The following KCNT1 variants were observed in gnomAD, a reference collection of about 807,000 sequenced individuals.
KCNT1 encodes potassium channel subfamily T member 1.
In KCNT1, 78 loss-of-function variants were observed where a neutral mutation model predicts 147.8. That is an observed-to-expected ratio of 0.53 (90% CI 0.44 to 0.64). KCNT1 has a LOEUF of 0.64. Ranked by LOEUF, KCNT1 falls within the 30% of genes least tolerant of loss-of-function variation. The pLI, the probability that KCNT1 is intolerant of heterozygous loss-of-function variation, is 0.00. For missense variants in KCNT1, 1,419 were observed against 1,750.3 expected (o/e 0.81, Z 3.38); for synonymous variants, 867 against 748.8 (o/e 1.16, Z -2.58).
At chr9:135,785,960 G>A (rs936423885) in intron 28 of KCNT1, 4 of 568,004 alleles carry the variant, frequency 7.0e-6, no homozygotes, top group Non-Finnish European at 1.2e-5. Context: ...CCAGGCCCGG[G>A]CAGGGTGGGT....
intron 15 of KCNT1, among the ~76,000 whole-genome samples, chr9:135,769,455 C>T (rs906948540): frequency 7.2e-5 from 11 of 152,270 alleles, no homozygotes; most frequent in Middle Eastern, 3.4e-3. Context: ...CCATCCTCAC[C>T]GCATCCGAGA....
At chr9:135,745,321 G>C (rs1490530689) in intron 2 of KCNT1, among the ~76,000 whole-genome samples, 1 of 152,118 alleles carries the variant, frequency 6.6e-6, no homozygotes, top group Non-Finnish European at 1.5e-5. Context: ...GTTCCACCGA[G>C]CCCACGCCCA....
intron 2 of KCNT1, among the ~76,000 whole-genome samples, chr9:135,734,672 A>C (rs35924309): frequency 0.13 from 19,416 of 152,210 alleles, 1,418 homozygotes; most frequent in South Asian, 0.17. Context: ...GAACGGAAAA[A>C]GTCACAGCAC....
intron 1 of KCNT1, among the ~76,000 whole-genome samples, chr9:135,709,121 G>A (rs1240377099): frequency 6.6e-6 from 1 of 152,238 alleles, no homozygotes; most frequent in Non-Finnish European, 1.5e-5. Flanking sequence ...GGCTGCCAGT[G>A]TGTGGGGACA....
chr9:135,792,483 G>C lies in KCNT1; in HGVS notation c.*322G>C. 3.8e-6 allele frequency: 1 copy of C among 262,854 alleles called. No homozygotes were observed. The highest frequency in any genetic ancestry group is 1.1e-4 in the East Asian group (1 of 8,790). The allele number at this position is 262,854 out of a possible 1,614,324, so 16.3% of individuals were successfully genotyped here. A position where few individuals can be genotyped will look rare whatever the true frequency, so the allele number is the denominator to read the frequency against. On this transcript the variant is annotated 3_prime_UTR_variant, in exon 31 of 31. Coordinates refer to ENST00000371757, the MANE Select transcript of KCNT1 (RefSeq NM_020822.3). ...ACGCAGGGACTGGACGCCCTACAGG[G>C]CCGAGCCCAGGCTGTGCTGGAGGGT...
chr9:135,762,742 G>A (rs1440290932), intron 11 of KCNT1, among the ~76,000 whole-genome samples: 2 of 152,160 alleles, frequency 1.3e-5, no homozygotes, highest in Non-Finnish European at 2.9e-5. Context: ...AGAGCGAGAT[G>A]CCATCTCAAC....
rs748894800 is a variant in KCNT1, at chr9:135,795,102, T to C, written c.*2941T>C. ...ACCTGCTATTTTCCTTATTCCTGTT[T>C]TTTGTTTGTTTTTATTTTCCTTATA... On this transcript the variant is annotated 3_prime_UTR_variant, in exon 31 of 31. Coordinates refer to ENST00000371757, the MANE Select transcript of KCNT1 (RefSeq NM_020822.3). 5.9e-5 allele frequency: 9 copies of C among 152,172 alleles called. No homozygotes were observed. The highest frequency in any genetic ancestry group is 1.3e-4 in the Non-Finnish European group (9 of 68,034). The allele number at this position is 152,172 out of a possible 1,614,324, so 9.4% of individuals were successfully genotyped here. A position where few individuals can be genotyped will look rare whatever the true frequency, so the allele number is the denominator to read the frequency against.
intron 2 of KCNT1, among the ~76,000 whole-genome samples, chr9:135,739,736 C>T (rs1376016372): frequency 4.6e-5 from 7 of 152,158 alleles, no homozygotes; most frequent in South Asian, 2.1e-4. Context: ...TGCCCCGCTC[C>T]GGGCTGCACA....
At position 135,784,156 on chromosome 9, in the gene KCNT1, C is replaced by T. The variant is rs548593621; in HGVS notation, c.2943+31C>T. ...CGGGGAAGCGGCAGCAGGAGGGTGG[C>T]GCCTGGGTGGGACCCCCGTCATGCC... On this transcript the variant is annotated intron_variant, in intron 25 of 30. Transcript: ENST00000371757. 2.8e-5 allele frequency: 44 copies of T among 1,554,570 alleles called. No homozygotes were observed. The East Asian group carries it at 5.8e-4, about 21-fold the overall frequency.
rs142596339 is a variant in KCNT1 at position 135,784,047 on chromosome 9, C to T, written c.2865C>T (p.Asn955=). 3 of 1,606,282 alleles carry T rather than the reference C, an allele frequency of 1.9e-6. No homozygotes were observed. In the African/African-American group the frequency reaches 4.0e-5, roughly 21 times the overall value. Residue 955 remains asparagine, a synonymous_variant, in exon 25 of 31, where the codon AAC becomes AAT. Transcript: ENST00000371757. ...LEKRERENGS[N]LAFMFRLPFA... is the part of the protein sequence containing the mutation. ...AGAGGGAGCGAGAGAATGGCTCCAACCTGGCCTTCATGTTCCGCCTGCCGT... is the reference window on the plus strand; with the variant it reads ...AGAGGGAGCGAGAGAATGGCTCCAATCTGGCCTTCATGTTCCGCCTGCCGT...
chr9:135,702,377 T>G lies in KCNT1; in HGVS notation c.110+9T>G. The G allele has an allele frequency of 6.2e-7, 1 of 1,604,294 alleles. No individual in the cohort carries two copies. Among genetic ancestry groups the G allele is most frequent in the Non-Finnish European group, 8.5e-7 (1 of 1,173,470 alleles). ...GGCCAATGCGCCCCCAGGTACAGTC[T>G]GCTGCGCCCTCCCCACGCGGGGAGG... On this transcript the variant is annotated intron_variant, in intron 1 of 30. Coordinates refer to ENST00000371757, the MANE Select transcript of KCNT1 (RefSeq NM_020822.3).
chr9:135,785,219 C>G, intron 27 of KCNT1, 91 bp from the exon 28 acceptor site: 1 of 1,568,618 alleles, frequency 6.4e-7, no homozygotes. Context: ...CCCACCAGCC[C>G]TAAGCATGTT....
At position 135,752,081 on chromosome 9, in the gene KCNT1, C is replaced by G; in HGVS notation, c.434+1040C>G. 3.8e-6 allele frequency: 1 copy of G among 259,766 alleles called. No homozygotes were observed. Among genetic ancestry groups the G allele is most frequent in the Non-Finnish European group, 7.7e-6 (1 of 130,066 alleles). 16.1% of individuals were successfully genotyped at this position (259,766 alleles called of 1,614,324 possible). On this transcript the variant is annotated intron_variant, in intron 4 of 30. Transcript: ENST00000371757. The surrounding 1 kb of genome is among the most constrained non-coding windows in gnomAD (Gnocchi z 5.1). The stretch of plus-strand genomic sequence containing the variant: ...CCTCAAATGTCTGGTGCCGTTTATG[C>G]GTAAGAGTGCTCAGGCGCTGAGGGG...
chr9:135,785,408 G>GCCCCCCCCCCCCCCCCCCCCCCC, intron 28 of KCNT1, 78 bp downstream of exon 28: 2 of 1,526,464 alleles, frequency 1.3e-6, no homozygotes, highest in Non-Finnish European at 8.8e-7. Flanking sequence ...AGCCTGCCAG[G>GCCCCCCCCCCCCCCCCCCCCCCC]CCCCACCCAC....
At chr9:135,751,834 C>A (rs768274189) in intron 4 of KCNT1, among the ~76,000 whole-genome samples, 107 of 152,296 alleles carry the variant, frequency 7.0e-4, no homozygotes, top group South Asian at 4.2e-4. Context: ...CACTCGGATG[C>A]TGTGCTCTGT....
At chr9:135,785,177 G>C in intron 27 of KCNT1, 133 bp from the exon 28 acceptor site, 1 of 1,364,550 alleles carries the variant, frequency 7.3e-7, no homozygotes, top group Non-Finnish European at 1.0e-6. Flanking sequence ...GGCAGCCCCT[G>C]TGCTGCAGTC....
rs147344693 is a variant in KCNT1 at position 135,771,621 on chromosome 9, C to T, written c.2008+526C>T. The stretch of plus-strand genomic sequence containing the variant: ...GACGTCCACTGGGGCCAGGAGTTGG[C>T]GGAATGAGGTCGCAGTGGCCGAGGG... On this transcript the variant is annotated intron_variant, in intron 18 of 30. Coordinates refer to ENST00000371757, the MANE Select transcript of KCNT1 (RefSeq NM_020822.3). Among the ~76,000 whole-genome samples, 305 of 152,292 alleles carry T rather than the reference C, an allele frequency of 2.0e-3. 2 individuals carry two copies. The highest frequency in any genetic ancestry group is 6.7e-3 in the African/African-American group (279 of 41,558).
At chr9:135,791,910 ACC>A in intron 30 of KCNT1, 29 bp downstream of exon 30, 1 of 1,610,302 alleles carries the variant, frequency 6.2e-7, no homozygotes, top group Non-Finnish European at 8.5e-7. Context: ...CTGTGTGGAG[ACC>A]CCCCCTGAGC....
At chr9:135,756,968 T>TAGCC in intron 7 of KCNT1, 36 bp downstream of exon 7, 1 of 852,574 alleles carries the variant, frequency 1.2e-6, no homozygotes, top group Non-Finnish European at 1.6e-6. Flanking sequence ...TCACAGGGGG[T>TAGCC]CCCCACCCTC....
Sources: allele counts gnomAD v4.1 joint callset (sites outside exome capture counted in the v4.1 genomes callset), GRCh38; gene constraint gnomAD v4.1.1; non-coding constraint Gnocchi (gnomAD v3.1); transcripts MANE v1.5; gene names NCBI Gene and HGNC (gene_info 2026-07-23, HGNC 2026-07-21).